The following C10orf90 variants were observed in gnomAD, a reference collection of about 807,000 sequenced individuals.
The protein encoded by C10orf90 is (E2-independent) E3 ubiquitin-conjugating enzyme FATS.
A neutral mutation model predicts 62.5 loss-of-function variants in C10orf90; 56 were observed. That is an observed-to-expected ratio of 0.90 (90% confidence interval 0.72 to 1.12). The LOEUF is 1.12. C10orf90 is among the 50% of genes most tolerant of loss of function. C10orf90 has a pLI of 0.00. For missense variants in C10orf90, 970 were observed against 880.4 expected (o/e 1.10, Z -1.29); for synonymous variants, 386 against 340.4 (o/e 1.13, Z -1.47).
chr10:126,561,022 G>A (rs917716564), intron 2 of C10orf90, among the ~76,000 whole-genome samples: 1 of 152,126 alleles, frequency 6.6e-6, no homozygotes, highest in Non-Finnish European at 1.5e-5. Flanking sequence ...TAGCTGTTTG[G>A]ATGAAACCAA....
chr10:126,609,939 C>T (rs1314623994), intron 2 of C10orf90, among the ~76,000 whole-genome samples: 1 of 152,168 alleles, frequency 6.6e-6, no homozygotes, highest in Non-Finnish European at 1.5e-5. Flanking sequence ...CTGGGTAGAC[C>T]TATTAAGGCC....
In C10orf90 at chr10:126,425,433, C is replaced by T. The variant is rs1394833859; in HGVS notation, c.*431G>A. Reference sequence around the variant, plus strand: ...GACCCACATTTTGGCATTTGCATAACTGGCAGGTGCTGAGATTGAAATTTA... The same window carrying T: ...GACCCACATTTTGGCATTTGCATAATTGGCAGGTGCTGAGATTGAAATTTA... On this transcript the variant is annotated 3_prime_UTR_variant, in exon 10 of 10. Coordinates refer to ENST00000488181, the MANE Select transcript of C10orf90 (RefSeq NM_001350921.2). 1 of 181,496 alleles carries T rather than the reference C, an allele frequency of 5.5e-6. No individual in the cohort carries two copies. Among genetic ancestry groups the T allele is most frequent in the Non-Finnish European group, 1.1e-5 (1 of 87,392 alleles). The allele number at this position is 181,496 out of a possible 1,614,324, so 11.2% of individuals were successfully genotyped here. A position where few individuals can be genotyped will look rare whatever the true frequency, so the allele number is the denominator to read the frequency against.
intron 2 of C10orf90, among the ~76,000 whole-genome samples, chr10:126,539,244 C>T (rs11245024): frequency 6.6e-6 from 1 of 152,288 alleles, no homozygotes; most frequent in Non-Finnish European, 1.5e-5. Flanking sequence ...AAAAGCAAAT[C>T]GGCTGTGAGT....
intron 2 of C10orf90, among the ~76,000 whole-genome samples, chr10:126,614,546 TGG>T (rs1486279583): frequency 1.3e-5 from 2 of 152,114 alleles, no homozygotes; most frequent in Non-Finnish European, 2.9e-5. Context: ...AGGTGCCATG[TGG>T]GGGTGGATGT....
intron 2 of C10orf90, among the ~76,000 whole-genome samples, chr10:126,538,764 TG>T (rs1259591555): frequency 6.6e-6 from 1 of 152,214 alleles, no homozygotes; most frequent in Admixed American, 6.5e-5. Flanking sequence ...TTGGATGCCT[TG>T]GAAGCCCATG....
intron 1 of C10orf90, among the ~76,000 whole-genome samples, chr10:126,656,738 A>T (rs1591179694): frequency 6.6e-6 from 1 of 152,332 alleles, no homozygotes; most frequent in South Asian, 2.1e-4. Flanking sequence ...CGGCTTGTGG[A>T]AATGGCCTAT....
intron 7 of C10orf90, among the ~76,000 whole-genome samples, chr10:126,440,576 G>A (rs560555376): frequency 3.9e-5 from 6 of 152,222 alleles, no homozygotes; most frequent in Admixed American, 3.3e-4. Context: ...CCAGCAGGAG[G>A]CCAACAAGCA....
intron 4 of C10orf90, among the ~76,000 whole-genome samples, chr10:126,502,092 C>CCACACACACACCACA (rs762160366): frequency 1.6e-4 from 22 of 137,456 alleles, no homozygotes; most frequent in African/African-American, 6.2e-4. Context: ...CACCACACAA[C>CCACACACACACCACA]CACACACACA....
chr10:126,509,045 G>A (rs1292459537), intron 3 of C10orf90, among the ~76,000 whole-genome samples: 1 of 152,200 alleles, frequency 6.6e-6, no homozygotes. Context: ...CTGCAGGCCG[G>A]TACATCCCTC....
intron 3 of C10orf90, among the ~76,000 whole-genome samples, chr10:126,511,625 A>T (rs1331190711): frequency 6.6e-6 from 1 of 152,004 alleles, no homozygotes; most frequent in Non-Finnish European, 1.5e-5. Flanking sequence ...TGCATCTTAT[A>T]TTCTGCAGAA....
In C10orf90 at chr10:126,670,362, T is replaced by G. The variant is rs963608924; in HGVS notation, c.119A>C (p.His40Pro). 17 of 456,616 alleles carry G rather than the reference T, an allele frequency of 3.7e-5. No individual in the cohort carries two copies. Among genetic ancestry groups the G allele is most frequent in the Non-Finnish European group, 7.5e-5 (17 of 226,984 alleles). 28.3% of individuals were successfully genotyped at this position (456,616 alleles called of 1,614,324 possible). A position where few individuals can be genotyped will look rare whatever the true frequency, so the allele number is the denominator to read the frequency against. Reference sequence around the variant, plus strand: ...CTTCACAAAATCCATGACCATCACATGGTTTTTCAACTCTGTACTAAATGT... The same window carrying G: ...CTTCACAAAATCCATGACCATCACAGGGTTTTTCAACTCTGTACTAAATGT... Reference protein sequence around the residue: ...IKTFSTELKNHVMVMDFVKSN... With the variant: ...IKTFSTELKNPVMVMDFVKSN... The change falls in exon 1 of 10, where the codon CAT becomes CCT. Residue 40 changes from histidine to proline, a missense_variant. Coordinates refer to ENST00000488181, the MANE Select transcript of C10orf90 (RefSeq NM_001350921.2).
rs764212114 is a variant in C10orf90, at chr10:126,504,009, G to A, written c.1482C>T (p.Ser494=). The change falls in exon 4 of 10, where the codon AGC becomes AGT. Residue 494 remains serine (S), a synonymous_variant. Transcript: ENST00000488181. This position sits in a 1 kb window ranked among gnomAD's most constrained non-coding sequence, Gnocchi z 4.1. The part of the protein sequence containing the change: ...EKDHTTHCHA[S]DHANQLSIHI... Reference sequence around the variant, plus strand: ...GAATGGACAGTTGGTTGGCATGATCGCTGGCGTGACAATGAGTTGTATGGT... The same window carrying A: ...GAATGGACAGTTGGTTGGCATGATCACTGGCGTGACAATGAGTTGTATGGT... 81 of 1,613,556 alleles carry A rather than the reference G, an allele frequency of 5.0e-5. No homozygotes were observed. The highest frequency in any genetic ancestry group is 3.0e-4 in the South Asian group (27 of 91,026).
intron 2 of C10orf90, among the ~76,000 whole-genome samples, chr10:126,526,978 A>G (rs1027802401): frequency 1.3e-5 from 2 of 152,218 alleles, no homozygotes; most frequent in East Asian, 3.8e-4. Context: ...GCTGATGGAC[A>G]CTTGAGTTGT....
chr10:126,498,577 A>G (rs895581341), intron 4 of C10orf90, among the ~76,000 whole-genome samples: 1 of 152,190 alleles, frequency 6.6e-6, no homozygotes, highest in Non-Finnish European at 1.5e-5. Flanking sequence ...ATGGCCATTC[A>G]GCAGTGTGAT....
intron 3 of C10orf90, among the ~76,000 whole-genome samples, chr10:126,505,334 C>A (rs967576874): frequency 1.2e-4 from 18 of 152,198 alleles, no homozygotes; most frequent in Non-Finnish European, 2.4e-4. Context: ...TGCTGGGCAT[C>A]TATTCTTAAT....
intron 2 of C10orf90, among the ~76,000 whole-genome samples, chr10:126,519,050 C>T (rs576763097): frequency 3.9e-5 from 6 of 152,214 alleles, no homozygotes; most frequent in Admixed American, 3.9e-4. Context: ...CTTTGCTATC[C>T]CCAGCCTTGA....
intron 2 of C10orf90, among the ~76,000 whole-genome samples, chr10:126,609,987 C>T (rs1009887943): frequency 6.6e-6 from 1 of 152,180 alleles, no homozygotes; most frequent in Non-Finnish European, 1.5e-5. Flanking sequence ...TTCCCAGGAG[C>T]CTCCAGGCAG....
chr10:126,637,801 G>T (rs915861421), intron 2 of C10orf90, among the ~76,000 whole-genome samples: 4 of 152,166 alleles, frequency 2.6e-5, no homozygotes, highest in Non-Finnish European at 5.9e-5. Flanking sequence ...CAATAAAAAT[G>T]GTCCTTATTC....
intron 2 of C10orf90, among the ~76,000 whole-genome samples, chr10:126,619,702 C>T (rs150955579): frequency 1.5e-3 from 221 of 152,238 alleles, no homozygotes; most frequent in African/African-American, 5.0e-3. Context: ...CACAGTGGTG[C>T]AATCAAGGCT....
Sources: allele counts gnomAD v4.1 joint callset (sites outside exome capture counted in the v4.1 genomes callset), GRCh38; gene constraint gnomAD v4.1.1; non-coding constraint Gnocchi (gnomAD v3.1); transcripts MANE v1.5; gene names NCBI Gene and HGNC (gene_info 2026-07-23, HGNC 2026-07-21).